ATP8A1: variants seen among roughly 807,000 people sequenced by gnomAD.
ATP8A1 encodes phospholipid-transporting ATPase IA.
Under a neutral mutation model 177.7 loss-of-function variants are expected in ATP8A1, and 90 were observed. The ratio of observed to expected loss-of-function variants is 0.51; its 90% CI spans 0.43 to 0.60. The LOEUF is 0.60. Ranked by LOEUF, ATP8A1 falls within the 20% of genes least tolerant of loss-of-function variation. ATP8A1 has a pLI of 0.00. For synonymous variants in ATP8A1, 493 were observed against 485.9 expected, an observed-to-expected ratio of 1.01 and a Z score of -0.19; for missense variants, 1,072 against 1,392.8, an observed-to-expected ratio of 0.77 and a Z score of 3.67.
At chr4:42,580,679 T>C (rs941278984) in intron 10 of ATP8A1, among the ~76,000 whole-genome samples, 1 of 152,162 alleles carries the variant, frequency 6.6e-6, no homozygotes, top group African/African-American at 2.4e-5. Context: ...CGCTTGCCTA[T>C]TGATAATACC....
chr4:42,551,205 A>T lies in ATP8A1; in HGVS notation c.1595T>A (p.Ile532Lys). The T allele has an allele frequency of 6.2e-7, 1 of 1,612,950 alleles. No homozygotes were observed. The highest frequency in any genetic ancestry group is 8.5e-7 in the Non-Finnish European group (1 of 1,179,000). ...TAAAAACAACTAACTTACTGAATCT[A>T]TAATCACCGAGTCGGGTGTTCTTCC... ...FTGRTPDSVI[I>K]DSLGQEERYE... Residue 532 changes from isoleucine (I) to lysine (K), a missense_variant, in exon 18 of 37, where the codon ATA becomes AAA. This residue lies in a region of ATP8A1 where 388 missense variants were observed against 471.7 expected (regional missense o/e 0.82). Transcript: ENST00000381668.
chr4:42,580,883 T>C (rs1000438726), intron 10 of ATP8A1, among the ~76,000 whole-genome samples: 19 of 152,338 alleles, frequency 1.2e-4, no homozygotes, highest in Admixed American at 1.0e-3. Context: ...ATATAAATGC[T>C]ATGAAAAATG....
chr4:42,620,963 A>G (rs1737409596), intron 4 of ATP8A1, among the ~76,000 whole-genome samples: 1 of 152,232 alleles, frequency 6.6e-6, no homozygotes, highest in South Asian at 2.1e-4. Flanking sequence ...CGAGAAAAAC[A>G]TTTGTGAAAC....
At chr4:42,501,641 C>T (rs1271904536) in intron 24 of ATP8A1, among the ~76,000 whole-genome samples, 5 of 152,184 alleles carry the variant, frequency 3.3e-5, no homozygotes, top group Non-Finnish European at 7.3e-5. Context: ...CGTTCCATTT[C>T]CATATCAACG....
chr4:42,526,913 T>C (rs73235596), intron 20 of ATP8A1, among the ~76,000 whole-genome samples: 21,851 of 152,062 alleles, frequency 0.14, 1,798 homozygotes, highest in East Asian at 0.26. Flanking sequence ...AGAACACTGA[T>C]AGTCCTTGGC....
chr4:42,529,744 C>T (rs1268962711), intron 20 of ATP8A1, among the ~76,000 whole-genome samples: 1 of 152,194 alleles, frequency 6.6e-6, no homozygotes, highest in East Asian at 1.9e-4. Flanking sequence ...TGAAGCACGA[C>T]AGCCCCTTTC....
chr4:42,516,309 A>T (rs1725528965), intron 22 of ATP8A1, among the ~76,000 whole-genome samples: 1 of 152,194 alleles, frequency 6.6e-6, no homozygotes, highest in South Asian at 2.1e-4. Context: ...CAGTGTTCTG[A>T]GTTTACTCTT....
chr4:42,580,920 T>A (rs1732969215), intron 10 of ATP8A1, among the ~76,000 whole-genome samples: 1 of 152,164 alleles, frequency 6.6e-6, no homozygotes, highest in Admixed American at 6.5e-5. Flanking sequence ...TTCTAAAAAA[T>A]TTTATTAAAA....
chr4:42,625,420 C>G, intron 3 of ATP8A1, 194 bp downstream of exon 3: 1 of 434,512 alleles, frequency 2.3e-6, no homozygotes, highest in Non-Finnish European at 4.2e-6. Context: ...ATAGAACACC[C>G]AAAATAAGCT....
intron 5 of ATP8A1, 96 bp downstream of exon 5, chr4:42,615,937 C>T: frequency 1.7e-6 from 2 of 1,157,654 alleles, no homozygotes; most frequent in Non-Finnish European, 2.5e-6. Flanking sequence ...ACTTGAGATG[C>T]ACACTATTTG....
chr4:42,482,333 A>C (rs375569172), intron 25 of ATP8A1, among the ~76,000 whole-genome samples: 2 of 94,634 alleles, frequency 2.1e-5, no homozygotes, highest in Non-Finnish European at 5.1e-5. Flanking sequence ...AAACAAACAA[A>C]CAAAAAAAAA....
chr4:42,536,767 AG>A (rs1410683490), intron 20 of ATP8A1, among the ~76,000 whole-genome samples: 1 of 152,234 alleles, frequency 6.6e-6, no homozygotes, highest in African/African-American at 2.4e-5. Context: ...GTTTCATACC[AG>A]GGATGCAGAG....
rs750560295 is a variant in ATP8A1 at position 42,636,147 on chromosome 4, C to CGCGCGT, written c.50-9039_50-9038insACGCGC. ...ACACACACACACACACACACACACA[C>CGCGCGT]ACACACACACGCACACACACACACA... On this transcript the variant is annotated intron_variant, in intron 1 of 36. Coordinates refer to ENST00000381668, the MANE Select transcript of ATP8A1 (RefSeq NM_006095.2). Among the ~76,000 whole-genome samples, 254 of 21,940 alleles carry CGCGCGT rather than the reference C, an allele frequency of 0.012. 5 individuals are homozygous for CGCGCGT. In the Middle Eastern group the frequency reaches 0.15, roughly 13 times the overall value. The allele number at this position is 21,940 out of a possible 152,430, so 14.4% of individuals were successfully genotyped here. A position where few individuals can be genotyped will look rare whatever the true frequency, so the allele number is the denominator to read the frequency against.
chr4:42,466,992 A>G (rs978323981), intron 25 of ATP8A1, among the ~76,000 whole-genome samples: 1 of 152,246 alleles, frequency 6.6e-6, no homozygotes, highest in Non-Finnish European at 1.5e-5. Flanking sequence ...ATAGTCTAAC[A>G]GTATGAATAC....
At chr4:42,656,031 G>A (rs1372212070) in intron 1 of ATP8A1, among the ~76,000 whole-genome samples, 1 of 152,230 alleles carries the variant, frequency 6.6e-6, no homozygotes, top group Non-Finnish European at 1.5e-5. Flanking sequence ...TATTTACAGA[G>A]TGCCTGCCAC....
chr4:42,535,564 A>G (rs1210994337), intron 20 of ATP8A1, among the ~76,000 whole-genome samples: 5 of 152,220 alleles, frequency 3.3e-5, no homozygotes, highest in African/African-American at 1.2e-4. Context: ...ATCAAGACAG[A>G]AAGTCAACAA....
intron 33 of ATP8A1, among the ~76,000 whole-genome samples, chr4:42,429,980 G>A (rs2153170178): frequency 6.6e-6 from 1 of 152,278 alleles, no homozygotes; most frequent in Admixed American, 6.5e-5. Context: ...AAAGGAGAAT[G>A]GGGATTGTTT....
rs764452182 is a variant in ATP8A1 at position 42,635,782 on chromosome 4, C to CATATATATATATATATATATATATAT, written c.50-8699_50-8674dup. 4.0e-3 allele frequency among the ~76,000 whole-genome samples: 206 copies of CATATATATATATATATATATATATAT among 51,898 alleles called. 5 individuals are homozygous for CATATATATATATATATATATATATAT. The highest frequency in any genetic ancestry group is 6.9e-3 in the Non-Finnish European group (164 of 23,908). The allele number at this position is 51,898 out of a possible 152,430, so 34.0% of individuals were successfully genotyped here. Reference sequence around the variant, plus strand: ...ACACACACACACACACACACACACACATATATATATATATATATATATATA... The same window carrying CATATATATATATATATATATATATAT: ...ACACACACACACACACACACACACACATATATATATATATATATATATATATATATATATATATATATATATATATA... On this transcript the variant is annotated intron_variant, in intron 1 of 36. Coordinates refer to ENST00000381668, the MANE Select transcript of ATP8A1 (RefSeq NM_006095.2).
intron 27 of ATP8A1, among the ~76,000 whole-genome samples, chr4:42,461,932 T>A (rs897959668): frequency 6.6e-6 from 1 of 152,174 alleles, no homozygotes; most frequent in African/African-American, 2.4e-5. Context: ...ACTCTTGGTA[T>A]GTTTTAGCAA....
Sources: gnomAD v4.1 joint callset for allele counts (sites outside exome capture counted in the v4.1 genomes callset) on GRCh38, gnomAD v4.1.1 for gene constraint, gnomAD v4.1.1 regional missense constraint, MANE v1.5 for transcripts, NCBI Gene and HGNC (gene_info 2026-07-23, HGNC 2026-07-21) for gene names.